The following CACNA2D3 variants were observed in gnomAD, a reference collection of about 807,000 sequenced individuals.
The protein encoded by CACNA2D3 is calcium voltage-gated channel auxiliary subunit alpha2delta 3, also known as voltage-dependent calcium channel subunit alpha-2/delta-3.
In CACNA2D3, 60 loss-of-function variants were observed where a neutral mutation model predicts 160.6. That is an observed-to-expected ratio of 0.37 (90% CI 0.30 to 0.46). The LOEUF (loss-of-function observed/expected upper bound fraction) is 0.46, where lower values mean the gene tolerates loss of function less well. Ranked by LOEUF, CACNA2D3 falls within the 20% of genes least tolerant of loss-of-function variation. The pLI, the probability that CACNA2D3 is intolerant of heterozygous loss-of-function variation, is 1.00. For missense variants in CACNA2D3, 1,205 were observed against 1,365.0 expected, an observed-to-expected ratio of 0.88 and a Z score of 1.85; for synonymous variants, 558 against 492.9, an observed-to-expected ratio of 1.13 and a Z score of -1.75.
rs200007304 is a variant in CACNA2D3, at chr3:54,562,878, C to A, written c.623C>A (p.Ser208Tyr). The change falls in exon 6 of 38, where the codon TCT becomes TAT. Residue 208 changes from serine to tyrosine, a missense_variant. By Grantham distance (144) the Ser-to-Tyr change is moderately radical (BLOSUM62 -2). Coordinates refer to ENST00000474759, the MANE Select transcript of CACNA2D3 (RefSeq NM_018398.3). The part of the protein sequence containing the change: ...VFVDNFDRDP[S>Y]LIWQYFGSAK... ...GTAGATAACTTTGACCGTGACCCATCTCTCATATGGCAGTACTTTGGAAGT... is the reference window on the plus strand; with the variant it reads ...GTAGATAACTTTGACCGTGACCCATATCTCATATGGCAGTACTTTGGAAGT... 2 of 1,613,520 alleles carry A rather than the reference C, an allele frequency of 1.2e-6. No individual in the cohort carries two copies. Among genetic ancestry groups the A allele is most frequent in the African/African-American group, 1.3e-5 (1 of 74,914 alleles).
chr3:54,809,159 C>T (rs1703215436), intron 13 of CACNA2D3, among the ~76,000 whole-genome samples: 1 of 150,218 alleles, frequency 6.7e-6, no homozygotes, highest in Non-Finnish European at 1.5e-5. Context: ...AGCTCCAAGG[C>T]CCTCCTTCTT....
chr3:54,458,545 G>A (rs570470567), intron 4 of CACNA2D3, among the ~76,000 whole-genome samples: 80 of 151,362 alleles, frequency 5.3e-4, no homozygotes, highest in South Asian at 8.4e-4. Context: ...TGATAGTCTA[G>A]TAAGGGTTCC....
intron 34 of CACNA2D3, 78 bp downstream of exon 34, chr3:55,009,521 T>C: frequency 7.5e-7 from 1 of 1,329,558 alleles, no homozygotes; most frequent in Non-Finnish European, 1.1e-6. Flanking sequence ...ATCAGGGATG[T>C]GCTGGCTCAC....
At chr3:54,717,544 A>C (rs1701073360) in intron 11 of CACNA2D3, among the ~76,000 whole-genome samples, 1 of 69,108 alleles carries the variant, frequency 1.4e-5, no homozygotes, top group African/African-American at 4.8e-5. Context: ...TGTGGTGTGC[A>C]TGTGTGGTGT....
intron 5 of CACNA2D3, among the ~76,000 whole-genome samples, chr3:54,550,373 G>T (rs937382078): frequency 2.6e-5 from 4 of 152,184 alleles, no homozygotes; most frequent in Non-Finnish European, 2.9e-5. Context: ...GGCCTTCCCC[G>T]GAGCTGTGAG....
chr3:54,222,859 A>G (rs1413593759), intron 2 of CACNA2D3, among the ~76,000 whole-genome samples: 1 of 152,228 alleles, frequency 6.6e-6, no homozygotes, highest in Non-Finnish European at 1.5e-5. Flanking sequence ...TTGATTTTTA[A>G]GAAATCTGTA....
chr3:54,426,433 C>T (rs1699913457), intron 4 of CACNA2D3, among the ~76,000 whole-genome samples: 1 of 152,188 alleles, frequency 6.6e-6, no homozygotes, highest in Admixed American at 6.5e-5. Flanking sequence ...GAATCAATTA[C>T]ACAGTGCTTT....
intron 9 of CACNA2D3, among the ~76,000 whole-genome samples, chr3:54,627,351 T>A (rs938497144): frequency 2.6e-5 from 4 of 151,972 alleles, no homozygotes; most frequent in Non-Finnish European, 5.9e-5. Context: ...GTTATGCCCA[T>A]ATGAGATGTG....
intron 12 of CACNA2D3, 73 bp from the exon 13 acceptor site, chr3:54,764,145 T>C: frequency 1.3e-6 from 2 of 1,516,140 alleles, no homozygotes; most frequent in Non-Finnish European, 1.8e-6. Context: ...CAAGAAGGCA[T>C]GGCATATGCA....
chr3:54,806,091 A>G (rs1294972714), intron 13 of CACNA2D3, among the ~76,000 whole-genome samples: 2 of 152,346 alleles, frequency 1.3e-5, no homozygotes, highest in South Asian at 4.1e-4. Context: ...CCCACAGCCA[A>G]TATCATACTG....
At chr3:54,543,901 A>C (rs1702021882) in intron 5 of CACNA2D3, among the ~76,000 whole-genome samples, 1 of 152,176 alleles carries the variant, frequency 6.6e-6, no homozygotes. Context: ...GAGAGATTTA[A>C]AACATTTGAA....
At chr3:54,791,464 T>TA (rs1702756481) in intron 13 of CACNA2D3, among the ~76,000 whole-genome samples, 1 of 152,246 alleles carries the variant, frequency 6.6e-6, no homozygotes, top group African/African-American at 2.4e-5. Flanking sequence ...CCTCATGGCT[T>TA]ACATTTGCAT....
At chr3:54,156,201 G>A (rs913302461) in intron 2 of CACNA2D3, among the ~76,000 whole-genome samples, 99 of 152,202 alleles carry the variant, frequency 6.5e-4, no homozygotes, top group African/African-American at 2.3e-3. Flanking sequence ...ATCACCAGCA[G>A]GGGAGCGGGG....
chr3:55,054,921 G>A (rs1016038823), intron 35 of CACNA2D3, among the ~76,000 whole-genome samples: 18 of 151,976 alleles, frequency 1.2e-4, no homozygotes, highest in East Asian at 1.2e-3. Flanking sequence ...ATTTTGTTTC[G>A]TTTTTGCCTC....
At chr3:54,256,390 T>G in intron 2 of CACNA2D3, among the ~76,000 whole-genome samples, 1 of 152,126 alleles carries the variant, frequency 6.6e-6, no homozygotes, top group African/African-American at 2.4e-5. Context: ...TCCAAAAAAT[T>G]GCAACCTTCA....
chr3:54,501,050 C>G (rs1701286598), intron 4 of CACNA2D3, among the ~76,000 whole-genome samples: 1 of 152,118 alleles, frequency 6.6e-6, no homozygotes, highest in Non-Finnish European at 1.5e-5. Flanking sequence ...TGTTTCCTCA[C>G]CTGGTAGAAG....
chr3:54,291,452 T>A (rs1190282777), intron 2 of CACNA2D3, among the ~76,000 whole-genome samples: 1 of 152,214 alleles, frequency 6.6e-6, no homozygotes, highest in East Asian at 1.9e-4. Flanking sequence ...TTCATTCATA[T>A]TGGTGAAAGC....
intron 4 of CACNA2D3, among the ~76,000 whole-genome samples, chr3:54,387,720 C>G (rs1200538789): frequency 2.0e-5 from 3 of 152,078 alleles, no homozygotes; most frequent in African/African-American, 2.4e-5. Flanking sequence ...CCTGAAAGAA[C>G]TTTTATCTAA....
chr3:54,573,864 TC>T (rs1702539147), intron 8 of CACNA2D3, among the ~76,000 whole-genome samples: 2 of 152,228 alleles, frequency 1.3e-5, no homozygotes, highest in Admixed American at 6.5e-5. Flanking sequence ...GAATTCTTAT[TC>T]TTTTTTCCTC....
Sources: gnomAD v4.1 joint callset for allele counts (sites outside exome capture counted in the v4.1 genomes callset) on GRCh38, gnomAD v4.1.1 for gene constraint, MANE v1.5 for transcripts, NCBI Gene and HGNC (gene_info 2026-07-23, HGNC 2026-07-21) for gene names.